FBXO16: variants seen among roughly 807,000 people sequenced by gnomAD.
FBXO16 encodes the protein F-box protein 16.
In FBXO16, 31 loss-of-function variants were observed where a neutral mutation model predicts 41.0. The ratio of observed to expected loss-of-function variants is 0.76; its 90% CI spans 0.57 to 1.02. The LOEUF (loss-of-function observed/expected upper bound fraction) is 1.02, where lower values mean the gene tolerates loss of function less well. Ranked by LOEUF, FBXO16 falls within the 50% of genes least tolerant of loss-of-function variation. The pLI is 0.00. For missense variants in FBXO16, 361 were observed against 346.2 expected, an observed-to-expected ratio of 1.04 and a Z score of -0.34; for synonymous variants, 133 against 117.8, an observed-to-expected ratio of 1.13 and a Z score of -0.84.
intron 7 of FBXO16, among the ~76,000 whole-genome samples, chr8:28,441,947 T>TGTGTG (rs1491261277): frequency 5.9e-5 from 5 of 85,042 alleles, no homozygotes; most frequent in African/African-American, 2.1e-4. Context: ...TGTGTGTGTA[T>TGTGTG]TTTTTTTTTT....
chr8:28,469,880 G>A (rs1412684468), intron 3 of FBXO16, among the ~76,000 whole-genome samples: 3 of 150,668 alleles, frequency 2.0e-5, no homozygotes, highest in South Asian at 4.2e-4. Context: ...CAGCCTGGGC[G>A]ACAGAGCGAG....
At chr8:28,467,562 ATATG>A (rs554152664) in intron 3 of FBXO16, among the ~76,000 whole-genome samples, 6 of 152,334 alleles carry the variant, frequency 3.9e-5, no homozygotes, top group African/African-American at 1.4e-4. Flanking sequence ...GTTAAAAATA[ATATG>A]TATGTGGGTT....
intron 4 of FBXO16, among the ~76,000 whole-genome samples, chr8:28,460,439 T>TC: frequency 7.6e-6 from 1 of 131,794 alleles, no homozygotes; most frequent in African/African-American, 3.1e-5. Context: ...TTTTTTTTTT[T>TC]TTTTTTGAGA....
At chr8:28,463,514 G>A (rs1803179600) in intron 4 of FBXO16, 98 bp downstream of exon 4, 1 of 1,133,848 alleles carries the variant, frequency 8.8e-7, no homozygotes. Context: ...ATATGTGTGT[G>A]TGTGTATGCC....
At position 28,429,372 on chromosome 8, in the gene FBXO16, A is replaced by C; in HGVS notation, c.869+6T>G. The C allele has an allele frequency of 6.2e-7, 1 of 1,613,932 alleles. No homozygotes were observed. Among genetic ancestry groups the C allele is most frequent in the Non-Finnish European group, 8.5e-7 (1 of 1,179,900 alleles). ...GTCACAGGTTGATATCACAACCGAAACTCACAGTGGGAAGGGATTTCTCCT... is the reference window on the plus strand; with the variant it reads ...GTCACAGGTTGATATCACAACCGAACCTCACAGTGGGAAGGGATTTCTCCT... On this transcript the variant is annotated splice_donor_region_variant and intron_variant, in intron 8 of 8. Coordinates refer to ENST00000380254, the MANE Select transcript of FBXO16 (RefSeq NM_172366.4).
At chr8:28,439,703 G>A (rs981891771) in intron 7 of FBXO16, among the ~76,000 whole-genome samples, 2 of 150,842 alleles carry the variant, frequency 1.3e-5, no homozygotes, top group Admixed American at 6.6e-5. Context: ...CTGTGATCAC[G>A]CCACTGCACT....
At chr8:28,460,039 AC>A (rs913414114) in intron 4 of FBXO16, among the ~76,000 whole-genome samples, 1 of 151,580 alleles carries the variant, frequency 6.6e-6, no homozygotes, top group African/African-American at 2.4e-5. Context: ...AAACAAACAA[AC>A]AAAAAATCAT....
intron 3 of FBXO16, among the ~76,000 whole-genome samples, chr8:28,468,086 A>G (rs79320486): frequency 0.022 from 3,422 of 152,318 alleles, 109 homozygotes; most frequent in African/African-American, 0.067. Context: ...GGTTAACTGT[A>G]CAGGAATTCA....
At position 28,464,450 on chromosome 8, in the gene FBXO16, G is replaced by A. The variant is rs17059132; in HGVS notation, c.136-632C>T. Among the ~76,000 whole-genome samples the A allele has an allele frequency of 5.6e-3, 845 of 152,240 alleles. 7 individuals carry two copies. Among genetic ancestry groups the A allele is most frequent in the African/African-American group, 0.019 (777 of 41,522 alleles). On this transcript the variant is annotated intron_variant, in intron 3 of 8. Coordinates refer to ENST00000380254, the MANE Select transcript of FBXO16 (RefSeq NM_172366.4). Reference sequence around the variant, plus strand: ...ACCCTGAACAACACCCAAGATCAGGGAATGACCAAGGATGAGCACCTTGAG... The same window carrying A: ...ACCCTGAACAACACCCAAGATCAGGAAATGACCAAGGATGAGCACCTTGAG...
At position 28,473,918 on chromosome 8, in the gene FBXO16, G is replaced by C. The variant is rs1245592413; in HGVS notation, c.100-111C>G. 3.7e-6 allele frequency: 3 copies of C among 817,750 alleles called. No homozygotes were observed. In the African/African-American group the frequency reaches 5.4e-5, roughly 15 times the overall value. 50.7% of individuals were successfully genotyped at this position (817,750 alleles called of 1,614,324 possible). A position where few individuals can be genotyped will look rare whatever the true frequency, so the allele number is the denominator to read the frequency against. ...TGAATAAACATTCATTGTATCAACT[G>C]AATATTAAAAGGCAGATTTTACTCC... On this transcript the variant is annotated intron_variant, in intron 2 of 8. Coordinates refer to ENST00000380254, the MANE Select transcript of FBXO16 (RefSeq NM_172366.4).
intron 2 of FBXO16, among the ~76,000 whole-genome samples, chr8:28,475,603 T>A (rs1034931093): frequency 1.3e-5 from 2 of 152,236 alleles, no homozygotes; most frequent in African/African-American, 4.8e-5. Flanking sequence ...TTTTCTGATG[T>A]CCAGGGATTT....
chr8:28,482,418 G>A (rs1053085609), intron 2 of FBXO16, among the ~76,000 whole-genome samples: 1 of 152,122 alleles, frequency 6.6e-6, no homozygotes, highest in African/African-American at 2.4e-5. Flanking sequence ...TCACAGACCT[G>A]TTGGTAAATT....
At chr8:28,482,751 G>C (rs908459170) in intron 2 of FBXO16, among the ~76,000 whole-genome samples, 2 of 143,206 alleles carry the variant, frequency 1.4e-5, no homozygotes, top group Non-Finnish European at 3.1e-5. Context: ...TTTTTTTTTT[G>C]TATTTTTAGT....
At chr8:28,458,544 CT>C (rs34617439) in intron 4 of FBXO16, among the ~76,000 whole-genome samples, 4,901 of 87,478 alleles carry the variant, frequency 0.056, 259 homozygotes, top group African/African-American at 0.16. Flanking sequence ...TCTTCTTCTT[CT>C]TTTTTTTTTT....
intron 6 of FBXO16, 187 bp from the exon 7 acceptor site, chr8:28,447,460 T>C (rs184935026): frequency 5.1e-5 from 28 of 547,592 alleles, no homozygotes; most frequent in Non-Finnish European, 2.3e-5. Context: ...CTCCACACAA[T>C]GCAGTACTAT....
rs776490725 is a variant in FBXO16 at position 28,452,258 on chromosome 8, C to G, written c.726G>C (p.Glu242Asp). The change falls in exon 6 of 9, where the codon GAG becomes GAC. Residue 242 changes from glutamate (E) to aspartate (D), a missense_variant. Glu to Asp is a conservative substitution (Grantham distance 45, BLOSUM62 2). Coordinates refer to ENST00000380254, the MANE Select transcript of FBXO16 (RefSeq NM_172366.4). Reference sequence around the variant, plus strand: ...GAGCTTCTTACCCTTGCTGGACAGTCTCCATGGGGTCACGGTTGTCTAGGT... The same window carrying G: ...GAGCTTCTTACCCTTGCTGGACAGTGTCCATGGGGTCACGGTTGTCTAGGT... Reference protein sequence around the residue: ...FNYLDNRDPMETVQQGRRKRN... With the variant: ...FNYLDNRDPMDTVQQGRRKRN... 6.2e-7 allele frequency: 1 copy of G among 1,614,144 alleles called. No individual in the cohort carries two copies. The highest frequency in any genetic ancestry group is 1.1e-5 in the South Asian group (1 of 91,074).
At chr8:28,453,768 ATTTG>A (rs1183753729) in intron 5 of FBXO16, among the ~76,000 whole-genome samples, 1 of 151,912 alleles carries the variant, frequency 6.6e-6, no homozygotes. Context: ...TGTTGTAATT[ATTTG>A]TTTATTTGTC....
At chr8:28,451,380 G>GTTTTTTTTTTTTTTTTTTTTT in intron 6 of FBXO16, among the ~76,000 whole-genome samples, 1 of 138,704 alleles carries the variant, frequency 7.2e-6, no homozygotes, top group African/African-American at 2.6e-5. Context: ...CTTTGTTGTT[G>GTTTTTTTTTTTTTTTTTTTTT]TTTTTTTTTT....
chr8:28,448,020 A>G (rs1802893402), intron 6 of FBXO16, among the ~76,000 whole-genome samples: 1 of 152,190 alleles, frequency 6.6e-6, no homozygotes, highest in Non-Finnish European at 1.5e-5. Flanking sequence ...ACCTGTAAGT[A>G]GGATTCCCAT....
Sources: allele counts gnomAD v4.1 joint callset (sites outside exome capture counted in the v4.1 genomes callset), GRCh38; gene constraint gnomAD v4.1.1; transcripts MANE v1.5; gene names NCBI Gene and HGNC (gene_info 2026-07-23, HGNC 2026-07-21).